CELF5: variants seen among roughly 807,000 people sequenced by gnomAD.
CELF5 encodes the protein CUGBP Elav-like family member 5, also known as CUG-BP and ETR-3 like factor 5.
In CELF5, 6 loss-of-function variants were observed where a neutral mutation model predicts 54.9. The ratio of observed to expected loss-of-function variants is 0.11; its 90% confidence interval spans 0.06 to 0.22. CELF5 has a LOEUF of 0.22. Ranked by LOEUF, CELF5 falls within the 10% of genes least tolerant of loss-of-function variation. The pLI is 1.00. For synonymous variants in CELF5, 271 were observed against 290.9 expected (o/e 0.93, Z 0.70); for missense variants, 401 against 678.6 (o/e 0.59, Z 4.54).
chr19:3,287,386 C>T (rs1428299553), intron 10 of CELF5, among the ~76,000 whole-genome samples: 2 of 148,430 alleles, frequency 1.3e-5, no homozygotes, highest in Admixed American at 6.8e-5. Context: ...ATGGTGAAAC[C>T]CCATCTCTAC....
intron 1 of CELF5, among the ~76,000 whole-genome samples, chr19:3,249,327 G>A (rs2079615445): frequency 6.6e-6 from 1 of 152,082 alleles, no homozygotes; most frequent in South Asian, 2.1e-4. Flanking sequence ...CCCACCTTGG[G>A]GAAACGTCTT....
At position 3,275,468 on chromosome 19, in the gene CELF5, A is replaced by G. The variant is rs1233781497; in HGVS notation, c.395-388A>G. ...CAGAAAGACAGACAGACAGACAGAC[A>G]GGGACCCAGGCCCGGCGAGGCAGCT... On this transcript the variant is annotated intron_variant, in intron 3 of 12. Coordinates refer to ENST00000292672, the MANE Select transcript of CELF5 (RefSeq NM_021938.4). This position sits in a 1 kb window ranked among gnomAD's most constrained non-coding sequence, Gnocchi z 6.7. Among the ~76,000 whole-genome samples the G allele has an allele frequency of 6.6e-6, 1 of 152,242 alleles. No individual in the cohort carries two copies. The highest frequency in any genetic ancestry group is 2.4e-5 in the African/African-American group (1 of 41,460).
chr19:3,251,366 G>A (rs1250845395), intron 2 of CELF5, among the ~76,000 whole-genome samples: 4 of 152,168 alleles, frequency 2.6e-5, no homozygotes, highest in African/African-American at 7.2e-5. Context: ...GAAGGATAAG[G>A]AAGCATTAGC....
Position 3,231,123 on chromosome 19 carries a change from C to T in CELF5, c.259+6125C>T, listed in dbSNP as rs1034959999. Among the ~76,000 whole-genome samples, 8 of 152,346 alleles carry T rather than the reference C, an allele frequency of 5.3e-5. No homozygotes were observed. The East Asian group carries it at 1.3e-3, about 26-fold the overall frequency. ...GAAGGGCTGTTAGGTTTGGAAGACA[C>T]TGGCCTAGCAGGAGTCCAGTTGGTC... is the stretch of plus-strand genomic sequence containing the variant. On this transcript the variant is annotated intron_variant, in intron 1 of 12. Transcript: ENST00000292672.
At chr19:3,257,169 G>C (rs182952020) in intron 2 of CELF5, among the ~76,000 whole-genome samples, 85 of 152,292 alleles carry the variant, frequency 5.6e-4, no homozygotes, top group East Asian at 5.0e-3. Context: ...AGATGGCCTG[G>C]AGAGGAGGAA....
At chr19:3,254,347 TATCCATTC>T (rs1242642550) in intron 2 of CELF5, among the ~76,000 whole-genome samples, 7 of 151,862 alleles carry the variant, frequency 4.6e-5, no homozygotes, top group African/African-American at 1.5e-4. Flanking sequence ...TCTACCTGCC[TATCCATTC>T]ATTCATTCAT....
chr19:3,230,515 G>A (rs985624746), intron 1 of CELF5, among the ~76,000 whole-genome samples: 5 of 152,210 alleles, frequency 3.3e-5, no homozygotes, highest in African/African-American at 7.2e-5. Flanking sequence ...GGTAGAGGAC[G>A]GATTAGGTGA....
chr19:3,280,744 G>A (rs946295018), intron 5 of CELF5, among the ~76,000 whole-genome samples: 15 of 152,030 alleles, frequency 9.9e-5, no homozygotes, highest in African/African-American at 3.6e-4. Flanking sequence ...TGCCCCAGTT[G>A]TTCCTCTCTG....
At chr19:3,243,017 T>C (rs2079513292) in intron 1 of CELF5, among the ~76,000 whole-genome samples, 1 of 152,106 alleles carries the variant, frequency 6.6e-6, no homozygotes, top group African/African-American at 2.4e-5. Flanking sequence ...TTACCACCTG[T>C]GTGACCTTGG....
Position 3,268,915 on chromosome 19 carries a change from G to T in CELF5, c.343-4957G>T, listed in dbSNP as rs2079919962. Among the ~76,000 whole-genome samples, 1 of 152,080 alleles carries T rather than the reference G, an allele frequency of 6.6e-6. No individual in the cohort carries two copies. On this transcript the variant is annotated intron_variant, in intron 2 of 12. Transcript: ENST00000292672. The surrounding 1 kb of genome is among the most constrained non-coding windows in gnomAD (Gnocchi z 4.4). The stretch of plus-strand genomic sequence containing the variant: ...CGTTCAGGGGGCCATGGCAGGAGGA[G>T]CGGGGAGGAATGACTGGGGCTGAGC...
In CELF5 at chr19:3,273,916, C is replaced by A. The variant is rs762908282; in HGVS notation, c.387C>A (p.Arg129=). The A allele has an allele frequency of 1.2e-6, 2 of 1,613,516 alleles. No individual in the cohort carries two copies. The highest frequency in any genetic ancestry group is 1.7e-6 in the Non-Finnish European group (2 of 1,179,524). Residue 129 remains arginine (R), a synonymous_variant, in exon 3 of 13, where the codon CGC becomes CGA. Transcript: ENST00000292672. ...TGAAGCCTGCGGACAGTGAAAGCCG[C>A]GGAGGTAGTTGTCATCTCTCCGTGG... is the stretch of plus-strand genomic sequence containing the variant. ...IQVKPADSES[R]GGRDRKLFVG... is the part of the protein sequence containing the mutation.
chr19:3,258,284 G>T (rs1346802248), intron 2 of CELF5, among the ~76,000 whole-genome samples: 2 of 150,712 alleles, frequency 1.3e-5, no homozygotes, highest in African/African-American at 4.9e-5. Context: ...TTAAATTTTT[G>T]ATTTAATTTT....
intron 2 of CELF5, among the ~76,000 whole-genome samples, chr19:3,270,186 C>T (rs980775576): frequency 6.6e-6 from 1 of 152,194 alleles, no homozygotes. Flanking sequence ...TCTCCCGCTC[C>T]GCCAGGCTGG....
At chr19:3,247,062 C>T (rs1001349941) in intron 1 of CELF5, among the ~76,000 whole-genome samples, 2 of 152,148 alleles carry the variant, frequency 1.3e-5, no homozygotes, top group Non-Finnish European at 2.9e-5. Flanking sequence ...GTTACCCCTG[C>T]AGGATGGAGG....
rs1454392430 is a variant in CELF5 at position 3,281,546 on chromosome 19, A to C, written c.750+201A>C. On this transcript the variant is annotated intron_variant, in intron 6 of 12. Transcript: ENST00000292672. The surrounding 1 kb of genome is among the most constrained non-coding windows in gnomAD (Gnocchi z 6.5). ...GACTGAGCCCTAATCTCACAGTAAC[A>C]CCCAATCTTGGACCGAGCCCCAGAA... 6.6e-6 allele frequency among the ~76,000 whole-genome samples: 1 copy of C among 151,872 alleles called. No homozygotes were observed. Among genetic ancestry groups the C allele is most frequent in the Non-Finnish European group, 1.5e-5 (1 of 67,966 alleles).
At chr19:3,233,391 A>G (rs886952612) in intron 1 of CELF5, among the ~76,000 whole-genome samples, 2 of 152,212 alleles carry the variant, frequency 1.3e-5, no homozygotes, top group Non-Finnish European at 2.9e-5. Context: ...GACTGACGAT[A>G]AACTAGGAAA....
At position 3,268,147 on chromosome 19, in the gene CELF5, C is replaced by T. The variant is rs1037580117; in HGVS notation, c.343-5725C>T. Among the ~76,000 whole-genome samples the T allele has an allele frequency of 2.0e-5, 3 of 151,946 alleles. No individual in the cohort carries two copies. The highest frequency in any genetic ancestry group is 3.9e-4 in the East Asian group (2 of 5,178). ...CCGAGTAGCTGGGATTACAGGTGCC[C>T]GCCACCACGCCCAGCTACTTTTTGT... On this transcript the variant is annotated intron_variant, in intron 2 of 12. Transcript: ENST00000292672. This position sits in a 1 kb window ranked among gnomAD's most constrained non-coding sequence, Gnocchi z 4.4.
intron 8 of CELF5, among the ~76,000 whole-genome samples, chr19:3,283,811 G>A (rs1400874403): frequency 1.3e-5 from 2 of 151,002 alleles, no homozygotes; most frequent in East Asian, 4.0e-4. Context: ...AACTCCAGAC[G>A]GTATTCAAAT....
intron 1 of CELF5, chr19:3,225,459 C>CCCCA: frequency 2.6e-6 from 1 of 386,038 alleles, no homozygotes; most frequent in Non-Finnish European, 3.4e-6. Context: ...ACGCCGGCAC[C>CCCCA]CCTCCCTGCC....
Sources: gnomAD v4.1 joint callset for allele counts (sites outside exome capture counted in the v4.1 genomes callset) on GRCh38, gnomAD v4.1.1 for gene constraint, Gnocchi (gnomAD v3.1) non-coding constraint, MANE v1.5 for transcripts, NCBI Gene and HGNC (gene_info 2026-07-23, HGNC 2026-07-21) for gene names.